Variants in FCHSD2 observed in about 807,000 individuals in gnomAD.
FCHSD2 encodes the protein FCH and double SH3 domains 2.
In FCHSD2, 38 loss-of-function variants were observed where a neutral mutation model predicts 108.1. That is an observed-to-expected ratio of 0.35 (90% confidence interval 0.27 to 0.46). The LOEUF is 0.46. FCHSD2 is among the 20% of genes least tolerant of loss of function. FCHSD2 has a pLI of 1.00. For missense variants in FCHSD2, 751 were observed against 897.8 expected (o/e 0.84, Z 2.09); for synonymous variants, 279 against 314.7 (o/e 0.89, Z 1.20).
chr11:73,011,606 T>A (rs1857865394), intron 4 of FCHSD2, among the ~76,000 whole-genome samples: 1 of 152,116 alleles, frequency 6.6e-6, no homozygotes, highest in Admixed American at 6.5e-5. Flanking sequence ...TCTCAGAGCG[T>A]GTGTGGGACC....
chr11:72,890,234 G>C (rs1345602673), intron 10 of FCHSD2, among the ~76,000 whole-genome samples: 3 of 152,168 alleles, frequency 2.0e-5, no homozygotes, highest in Non-Finnish European at 4.4e-5. Context: ...ATCTTTCCGA[G>C]TGGGAAGGAA....
At chr11:72,956,233 G>A (rs1248373456) in intron 8 of FCHSD2, among the ~76,000 whole-genome samples, 1 of 152,126 alleles carries the variant, frequency 6.6e-6, no homozygotes, top group Non-Finnish European at 1.5e-5. Context: ...CACATAAATG[G>A]CAGAGAATAG....
intron 9 of FCHSD2, among the ~76,000 whole-genome samples, chr11:72,915,433 A>G (rs1181815045): frequency 6.6e-6 from 1 of 152,198 alleles, no homozygotes; most frequent in East Asian, 1.9e-4. Context: ...TCTATTATAA[A>G]GACATATGCC....
intron 3 of FCHSD2, 121 bp downstream of exon 3, chr11:73,083,570 ACAAG>A: frequency 1.6e-6 from 1 of 631,454 alleles, no homozygotes. Flanking sequence ...AAAAAAAAAA[ACAAG>A]AAAGAAATAA....
chr11:72,900,290 G>A lies in FCHSD2; in HGVS notation c.924+2253C>T, dbSNP rs187499384. 120 of 1,550,094 alleles carry A rather than the reference G, an allele frequency of 7.7e-5. No homozygotes were observed. The African/African-American group carries it at 1.4e-3, about 19-fold the overall frequency. On this transcript the variant is annotated intron_variant, in intron 10 of 19. Transcript: ENST00000409418. ...TGGTCATTCTCAGAGCACTGACAGG[G>A]GAGAGCTCAATATCCACCAGTTGGG...
rs1428273887 is a variant in FCHSD2, at chr11:72,984,098, T to C, written c.695A>G (p.Asn232Ser). The change falls in exon 8 of 20, where the codon AAC becomes AGC. Residue 232 changes from asparagine (N) to serine (S), a missense_variant. Coordinates refer to ENST00000409418, the MANE Select transcript of FCHSD2 (RefSeq NM_014824.3). ...QDRYYQTDLV[N>S]IMKALDGNVY... ...TGAAAGCTGTATTACCTTCATAATG[T>C]TAACTAAATCTGTTTGATAGTAGCG... is the stretch of plus-strand genomic sequence containing the variant. 1.2e-6 allele frequency: 2 copies of C among 1,612,478 alleles called. No individual in the cohort carries two copies. The highest frequency in any genetic ancestry group is 1.7e-6 in the Non-Finnish European group (2 of 1,178,840).
At chr11:72,841,889 CT>C (rs1285568004) in intron 17 of FCHSD2, among the ~76,000 whole-genome samples, 2 of 152,198 alleles carry the variant, frequency 1.3e-5, no homozygotes, top group Admixed American at 6.5e-5. Context: ...ATTCAGTAAA[CT>C]TAGCAAAGAA....
intron 9 of FCHSD2, 40 bp downstream of exon 9, chr11:72,921,788 A>C: frequency 6.4e-7 from 1 of 1,557,368 alleles, no homozygotes; most frequent in Non-Finnish European, 8.8e-7. Context: ...TTTAGCTTCT[A>C]AGTTGGATAA....
chr11:73,080,039 T>TAGCGGTAG (rs1859644225), intron 3 of FCHSD2, among the ~76,000 whole-genome samples: 1 of 152,062 alleles, frequency 6.6e-6, no homozygotes, highest in African/African-American at 2.4e-5. Flanking sequence ...AGCTCATGCC[T>TAGCGGTAG]CTAATCCCCA....
chr11:72,936,390 A>G (rs1386693244), intron 8 of FCHSD2, among the ~76,000 whole-genome samples: 1 of 152,232 alleles, frequency 6.6e-6, no homozygotes, highest in Non-Finnish European at 1.5e-5. Flanking sequence ...TGTTAAATCA[A>G]TATTTTCTAT....
chr11:73,133,232 T>C (rs1373076917), intron 2 of FCHSD2, among the ~76,000 whole-genome samples: 1 of 152,190 alleles, frequency 6.6e-6, no homozygotes, highest in Non-Finnish European at 1.5e-5. Context: ...AAGTTAAACA[T>C]AGAGTTACCA....
At chr11:72,955,061 C>T (rs551088241) in intron 8 of FCHSD2, among the ~76,000 whole-genome samples, 33 of 152,286 alleles carry the variant, frequency 2.2e-4, no homozygotes, top group African/African-American at 7.5e-4. Context: ...GCTGGACATC[C>T]TCCAGTCCAA....
intron 3 of FCHSD2, among the ~76,000 whole-genome samples, chr11:73,052,928 C>CCA (rs1858935386): frequency 6.6e-6 from 1 of 152,086 alleles, no homozygotes; most frequent in Non-Finnish European, 1.5e-5. Flanking sequence ...CTCACTGCAA[C>CCA]CACCGCCTCC....
intron 2 of FCHSD2, among the ~76,000 whole-genome samples, chr11:73,136,818 T>C (rs1304862082): frequency 1.3e-5 from 2 of 151,992 alleles, no homozygotes; most frequent in African/African-American, 4.8e-5. Flanking sequence ...TCACTTGAGG[T>C]CAGGAGTTCA....
intron 8 of FCHSD2, among the ~76,000 whole-genome samples, chr11:72,964,124 C>G (rs750769236): frequency 2.0e-5 from 3 of 152,118 alleles, no homozygotes; most frequent in Non-Finnish European, 4.4e-5. Context: ...ATGACACAAT[C>G]AGCATTCAAA....
intron 8 of FCHSD2, chr11:72,940,640 C>T (rs891850419): frequency 4.8e-6 from 7 of 1,444,862 alleles, no homozygotes; most frequent in Non-Finnish European, 6.8e-6. Flanking sequence ...CCTGATAAAG[C>T]GCGCCGACCA....
chr11:73,106,666 T>A (rs940769254), intron 2 of FCHSD2, among the ~76,000 whole-genome samples: 1 of 152,028 alleles, frequency 6.6e-6, no homozygotes, highest in East Asian at 1.9e-4. Context: ...CATATACAAG[T>A]GGGGTCCCCA....
intron 9 of FCHSD2, among the ~76,000 whole-genome samples, chr11:72,917,760 T>C (rs2135305453): frequency 6.6e-6 from 1 of 152,262 alleles, no homozygotes; most frequent in East Asian, 1.9e-4. Flanking sequence ...TGGTGGCATA[T>C]GCCTGTAATT....
intron 4 of FCHSD2, among the ~76,000 whole-genome samples, chr11:73,003,766 G>A (rs977649257): frequency 1.2e-4 from 18 of 151,408 alleles, no homozygotes; most frequent in South Asian, 4.2e-4. Context: ...GATTACAGGC[G>A]TAAAAATTTT....
Sources: allele counts gnomAD v4.1 joint callset (sites outside exome capture counted in the v4.1 genomes callset), GRCh38; gene constraint gnomAD v4.1.1; transcripts MANE v1.5; gene names NCBI Gene and HGNC (gene_info 2026-07-23, HGNC 2026-07-21).